The following ATPAF2 variants were observed in gnomAD, a reference collection of about 807,000 sequenced individuals.
The protein encoded by ATPAF2 is ATP synthase mitochondrial F1 complex assembly factor 2, also known as ATP12 homolog.
In ATPAF2, 30 loss-of-function variants were observed where a neutral mutation model predicts 36.6. The ratio of observed to expected loss-of-function variants is 0.82; its 90% CI spans 0.61 to 1.11. The LOEUF is 1.11. Ranked by LOEUF, ATPAF2 falls within the 50% of genes most tolerant of loss-of-function variation. The probability of loss-of-function intolerance (pLI) is 0.00; values close to 1 mark genes in which losing one functional copy is unlikely to be tolerated. For synonymous variants in ATPAF2, 140 were observed against 152.6 expected (o/e 0.92, Z 0.61); for missense variants, 321 against 372.3 (o/e 0.86, Z 1.13).
intron 5 of ATPAF2, among the ~76,000 whole-genome samples, chr17:18,023,962 A>C (rs957836005): frequency 2.0e-5 from 3 of 152,232 alleles, no homozygotes; most frequent in Non-Finnish European, 4.4e-5. Flanking sequence ...TTTCATATCA[A>C]TTCCTGGAAG....
Position 18,018,572 on chromosome 17 carries a change from T to C in ATPAF2, c.847A>G (p.Lys283Glu), listed in dbSNP as rs772606196. 1.9e-6 allele frequency: 3 copies of C among 1,613,844 alleles called. No homozygotes were observed. Among genetic ancestry groups the C allele is most frequent in the Non-Finnish European group, 2.5e-6 (3 of 1,180,032 alleles). The change falls in exon 8 of 8, where the codon AAG (lysine) becomes GAG (glutamate). Residue 283 changes from lysine to glutamate, a missense_variant. Lys to Glu is a moderately conservative substitution (Grantham distance 56, BLOSUM62 1). Transcript: ENST00000474627. ...IHLCSESTTV[K>E]HKLLKE Reference sequence around the variant, plus strand: ...CCTCACTCCTTCAGGAGCTTGTGCTTGACTGTGGTGCTCTCGGAGCAGAGA... The same window carrying C: ...CCTCACTCCTTCAGGAGCTTGTGCTCGACTGTGGTGCTCTCGGAGCAGAGA...
intron 1 of ATPAF2, among the ~76,000 whole-genome samples, chr17:18,028,907 G>A (rs2044587103): frequency 6.6e-6 from 1 of 152,094 alleles, no homozygotes; most frequent in Non-Finnish European, 1.5e-5. Context: ...TGCCAGCCCC[G>A]CAGCCTGGGG....
At chr17:18,024,549 C>T (rs556711588) in intron 5 of ATPAF2, 75 bp downstream of exon 5, 17 of 1,281,476 alleles carry the variant, frequency 1.3e-5, no homozygotes, top group African/African-American at 1.2e-4. Flanking sequence ...AGTTTTCCAG[C>T]GTGACCCCCT....
At chr17:18,022,608 T>G (rs2044485010) in intron 5 of ATPAF2, among the ~76,000 whole-genome samples, 1 of 150,580 alleles carries the variant, frequency 6.6e-6, no homozygotes, top group Non-Finnish European at 1.5e-5. Flanking sequence ...TTTTTTTTTT[T>G]TTTTTTTTGA....
intron 7 of ATPAF2, among the ~76,000 whole-genome samples, chr17:18,019,186 C>CACACACACACACACACACA (rs71155310): frequency 1.4e-5 from 2 of 147,028 alleles, no homozygotes; most frequent in Admixed American, 6.8e-5. Context: ...CACACACACA[C>CACACACACACACACACACA]CCCACCACCC....
At position 18,028,632 on chromosome 17, in the gene ATPAF2, C is replaced by T; in HGVS notation, c.161G>A (p.Ser54Asn). 1.2e-6 allele frequency: 2 copies of T among 1,610,960 alleles called. No individual in the cohort carries two copies. Among genetic ancestry groups the T allele is most frequent in the African/African-American group, 2.7e-5 (2 of 74,354 alleles). ...ACACTCACCTTCACCCTGTGTGATGCTGACATTCTGATAAAACCTCTTCCT... is the reference window on the plus strand; with the variant it reads ...ACACTCACCTTCACCCTGTGTGATGTTGACATTCTGATAAAACCTCTTCCT... ...TERKRFYQNVSITQGEGGFEI... is the reference protein window; with the variant it reads ...TERKRFYQNVNITQGEGGFEI... Residue 54 changes from serine to asparagine, a missense_variant, in exon 2 of 8, where the codon AGC becomes AAC. Ser to Asn is a conservative substitution (Grantham distance 46, BLOSUM62 1). Transcript: ENST00000474627.
chr17:18,027,669 C>A (rs1461905237), intron 3 of ATPAF2, among the ~76,000 whole-genome samples: 1 of 152,130 alleles, frequency 6.6e-6, no homozygotes, highest in Non-Finnish European at 1.5e-5. Flanking sequence ...AGCCTTGGTG[C>A]CTAGGCGAGC....
At chr17:18,031,106 G>A (rs1056832780) in intron 1 of ATPAF2, among the ~76,000 whole-genome samples, 9 of 149,098 alleles carry the variant, frequency 6.0e-5, no homozygotes, top group African/African-American at 2.2e-4. Flanking sequence ...CCGAGTACCT[G>A]GGACTACAGG....
In ATPAF2 at chr17:18,027,990, T is replaced by C. The variant is rs1309438871; in HGVS notation, c.324+242A>G. On this transcript the variant is annotated intron_variant, in intron 3 of 7. Coordinates refer to ENST00000474627, the MANE Select transcript of ATPAF2 (RefSeq NM_145691.4). ...CTGGGCAGTCAATGAAGGTGACATC[T>C]GTCCTGAAACCAAAGGAGAAACCAG... 2.1e-5 allele frequency: 12 copies of C among 561,204 alleles called. No homozygotes were observed. In the South Asian group the frequency reaches 2.2e-4, roughly 10 times the overall value. 34.8% of individuals were successfully genotyped at this position (561,204 alleles called of 1,614,324 possible).
downstream of ATPAF2, chr17:18,016,288 G>A (rs2044361062): frequency 1.5e-6 from 2 of 1,309,534 alleles, no homozygotes; most frequent in East Asian, 2.3e-5. Context: ...TTTTCATTAA[G>A]GAATGAAATG....
At chr17:18,036,726 A>T (rs575227427) in intron 1 of ATPAF2, among the ~76,000 whole-genome samples, 1 of 152,368 alleles carries the variant, frequency 6.6e-6, no homozygotes, top group East Asian at 1.9e-4. Context: ...AAGGAAAAGA[A>T]GGCAGTAGAT....
intron 1 of ATPAF2, among the ~76,000 whole-genome samples, chr17:18,034,407 T>C (rs910363882): frequency 6.6e-6 from 1 of 151,894 alleles, no homozygotes; most frequent in African/African-American, 2.4e-5. Context: ...CCCCCTCTCT[T>C]TAAAAAAAAA....
rs369906572 is a variant in ATPAF2 at position 18,025,964 on chromosome 17, T to G, written c.422+355A>C. On this transcript the variant is annotated intron_variant, in intron 4 of 7. Transcript: ENST00000474627. The stretch of plus-strand genomic sequence containing the variant: ...CACTCCTAGTTATCAGCATCCATAG[T>G]GCCAAGGATGCTTTACCTGAGAAAG... The G allele has an allele frequency of 7.5e-6, 3 of 400,104 alleles. No homozygotes were observed. The East Asian group carries it at 1.7e-4, about 22-fold the overall frequency. 24.8% of individuals were successfully genotyped at this position (400,104 alleles called of 1,614,324 possible).
At chr17:18,038,805 G>T in intron 1 of ATPAF2, 76 bp downstream of exon 1, 6 of 1,594,776 alleles carry the variant, frequency 3.8e-6, no homozygotes, top group Non-Finnish European at 5.2e-6. Flanking sequence ...CAGTTACTTC[G>T]CTTTGCACAG....
At chr17:18,037,327 C>T (rs951222630) in intron 1 of ATPAF2, among the ~76,000 whole-genome samples, 3 of 152,124 alleles carry the variant, frequency 2.0e-5, no homozygotes, top group African/African-American at 4.8e-5. Flanking sequence ...CGGTGGCTCA[C>T]GCCTGTAATC....
At chr17:18,025,905 T>TAGA (rs1465724476) in intron 4 of ATPAF2, among the ~76,000 whole-genome samples, 2 of 152,304 alleles carry the variant, frequency 1.3e-5, no homozygotes, top group African/African-American at 4.8e-5. Flanking sequence ...CCAAGAAACA[T>TAGA]AGACACAGAG....
chr17:18,031,696 C>T (rs1249927813), intron 1 of ATPAF2, among the ~76,000 whole-genome samples: 4 of 151,984 alleles, frequency 2.6e-5, no homozygotes, highest in South Asian at 2.1e-4. Context: ...AGGAGAATGG[C>T]GTGAACCCGG....
Position 18,018,379 on chromosome 17 carries a change from C to A in ATPAF2, c.*170G>T. The A allele has an allele frequency of 1.1e-6, 1 of 914,836 alleles. No homozygotes were observed. The allele number at this position is 914,836 out of a possible 1,614,324, so 56.7% of individuals were successfully genotyped here. A position where few individuals can be genotyped will look rare whatever the true frequency, so the allele number is the denominator to read the frequency against. On this transcript the variant is annotated 3_prime_UTR_variant, in exon 8 of 8. Transcript: ENST00000474627. The stretch of plus-strand genomic sequence containing the variant: ...GGCACCTGGGTTGAAATCAGGCTGA[C>A]CTCCGGACAGCCGTACTAGCGCACT...
At chr17:18,026,221 A>T (rs530342860) in intron 4 of ATPAF2, 98 bp downstream of exon 4, 2 of 1,205,606 alleles carry the variant, frequency 1.7e-6, no homozygotes, top group Admixed American at 1.7e-5. Context: ...TGTCCTTGCA[A>T]TAAATGGAGA....
Sources: allele counts gnomAD v4.1 joint callset (sites outside exome capture counted in the v4.1 genomes callset), GRCh38; gene constraint gnomAD v4.1.1; transcripts MANE v1.5; gene names NCBI Gene and HGNC (gene_info 2026-07-23, HGNC 2026-07-21).